ROBO2: variants seen among roughly 807,000 people sequenced by gnomAD.
ROBO2 encodes the protein roundabout guidance receptor 2.
A neutral mutation model predicts 160.8 loss-of-function variants in ROBO2; 53 were observed. That is an observed-to-expected ratio of 0.33 (90% CI 0.26 to 0.41). ROBO2 has a LOEUF of 0.41. Among genes scored for constraint, ROBO2 ranks in the 10% least tolerant of loss-of-function variants. ROBO2 has a pLI of 1.00. For missense variants in ROBO2, 1,577 were observed against 1,722.4 expected, an observed-to-expected ratio of 0.92 and a Z score of 1.49; for synonymous variants, 664 against 611.7, an observed-to-expected ratio of 1.09 and a Z score of -1.26.
rs566498332 is a variant in ROBO2, at chr3:76,102,312, T to TAATC, written c.109+164710_109+164711insAATC. ...ATAACATTTGGATATACTGGACTAT[T>TAATC]TTATTAGTTTCTTTTTATATTTTTG... On this transcript the variant is annotated intron_variant, in intron 2 of 26. Transcript: ENST00000487694. 5.4e-3 allele frequency among the ~76,000 whole-genome samples: 816 copies of TAATC among 152,318 alleles called. 11 individuals are homozygous for TAATC. The highest frequency in any genetic ancestry group is 0.019 in the African/African-American group (790 of 41,562).
chr3:76,355,056 G>GTGTGTA (rs2075082043), intron 2 of ROBO2, among the ~76,000 whole-genome samples: 1 of 151,702 alleles, frequency 6.6e-6, no homozygotes, highest in African/African-American at 2.4e-5. Context: ...GTGTGTGTGT[G>GTGTGTA]TGTGTATGTA....
At chr3:75,941,488 C>T (rs1344755085) in intron 2 of ROBO2, among the ~76,000 whole-genome samples, 1 of 152,126 alleles carries the variant, frequency 6.6e-6, no homozygotes, top group Non-Finnish European at 1.5e-5. Context: ...ATCATGAATA[C>T]ACAGAAAATT....
At chr3:77,323,388 G>T (rs1370602313) in intron 2 of ROBO2, among the ~76,000 whole-genome samples, 1 of 151,830 alleles carries the variant, frequency 6.6e-6, no homozygotes, top group African/African-American at 2.4e-5. Flanking sequence ...CTGATATCAG[G>T]TATAAGATGA....
Position 76,863,064 on chromosome 3 carries a change from C to T in ROBO2, c.110-234950C>T, listed in dbSNP as rs118024992. On this transcript the variant is annotated intron_variant, in intron 2 of 26. Coordinates refer to the ROBO2 transcript ENST00000487694. ...CTTCCTTAAATCTTTCGTGCTGTAA[C>T]TTCTATATTTCTTATTATAAAGGGC... Among the ~76,000 whole-genome samples, 138 of 152,152 alleles carry T rather than the reference C, an allele frequency of 9.1e-4. 1 individual carries two copies. In the East Asian group the frequency reaches 0.027, roughly 29 times the overall value.
At chr3:77,296,085 T>G (rs984519950) in intron 2 of ROBO2, among the ~76,000 whole-genome samples, 12 of 149,974 alleles carry the variant, frequency 8.0e-5, no homozygotes, top group African/African-American at 3.0e-4. Context: ...ACCCCAGATA[T>G]GAAGTAAAAT....
At chr3:77,277,181 T>C (rs1275592912) in intron 2 of ROBO2, among the ~76,000 whole-genome samples, 1 of 100,238 alleles carries the variant, frequency 1.0e-5, no homozygotes, top group Admixed American at 1.2e-4. Flanking sequence ...TCTTTCTTTC[T>C]TTCTTTCTTT....
exon 8 of ROBO2, chr3:77,550,867 T>C: frequency 6.2e-7 from 1 of 1,613,162 alleles, no homozygotes; most frequent in Non-Finnish European, 8.5e-7. Flanking sequence ...AGATGCTCAG[T>C]GTCACCAACT....
At chr3:77,165,226 C>A (rs1202731942) in intron 2 of ROBO2, among the ~76,000 whole-genome samples, 1 of 149,952 alleles carries the variant, frequency 6.7e-6, no homozygotes, top group Non-Finnish European at 1.5e-5. Context: ...AAGAAAAATT[C>A]TTCTGCCTTG....
rs139862777 is a variant in ROBO2 at position 76,099,658 on chromosome 3, C to A, written c.109+162056C>A. Reference sequence around the variant, plus strand: ...GAATCCTGTAAATTTTATACTTGTGCCAAAAAAGTACATTTTAATTGTTAA... The same window carrying A: ...GAATCCTGTAAATTTTATACTTGTGACAAAAAAGTACATTTTAATTGTTAA... On this transcript the variant is annotated intron_variant, in intron 2 of 26. Transcript: ENST00000487694. Among the ~76,000 whole-genome samples the A allele has an allele frequency of 5.5e-3, 831 of 151,996 alleles. 6 individuals carry two copies. The highest frequency in any genetic ancestry group is 8.8e-3 in the Non-Finnish European group (598 of 67,966).
At chr3:76,555,425 G>GAGAAGAAGAAGAAGAAGAA (rs2083714313) in intron 2 of ROBO2, among the ~76,000 whole-genome samples, 1 of 68,472 alleles carries the variant, frequency 1.5e-5, no homozygotes, top group Non-Finnish European at 3.3e-5. Flanking sequence ...AAGAAAGAAG[G>GAGAAGAAGAAGAAGAAGAA]AGAAGGGGAA....
At chr3:75,934,852 T>G (rs1468086419) in intron 1 of ROBO2, among the ~76,000 whole-genome samples, 1 of 152,152 alleles carries the variant, frequency 6.6e-6, no homozygotes, top group Non-Finnish European at 1.5e-5. Flanking sequence ...TTCTGCCTTT[T>G]AAAATGACTA....
chr3:76,271,592 C>G (rs1476270101), intron 2 of ROBO2, among the ~76,000 whole-genome samples: 3 of 151,236 alleles, frequency 2.0e-5, no homozygotes, highest in Non-Finnish European at 4.4e-5. Context: ...TTTATATTAA[C>G]TGATATGGCA....
intron 2 of ROBO2, among the ~76,000 whole-genome samples, chr3:76,450,598 A>T (rs1474472480): frequency 6.6e-6 from 1 of 152,146 alleles, no homozygotes; most frequent in Non-Finnish European, 1.5e-5. Flanking sequence ...TTACAGGCAC[A>T]TGCCACTGCA....
intron 23 of ROBO2, chr3:77,629,665 A>G (rs756886787): frequency 6.6e-6 from 1 of 152,344 alleles, no homozygotes; most frequent in East Asian, 1.9e-4. Context: ...ACATATATGT[A>G]TACTATTTAT....
chr3:76,497,330 G>A (rs896574719), intron 2 of ROBO2, among the ~76,000 whole-genome samples: 1 of 152,032 alleles, frequency 6.6e-6, no homozygotes, highest in Non-Finnish European at 1.5e-5. Flanking sequence ...CAAGTATCCT[G>A]GAGTACAGGT....
At chr3:76,327,248 A>G (rs971954589) in intron 2 of ROBO2, among the ~76,000 whole-genome samples, 2 of 152,168 alleles carry the variant, frequency 1.3e-5, no homozygotes. Flanking sequence ...TATAAAATAT[A>G]GTATAACCTG....
intron 2 of ROBO2, among the ~76,000 whole-genome samples, chr3:77,241,365 T>C (rs2089010247): frequency 6.6e-6 from 1 of 152,246 alleles, no homozygotes; most frequent in Non-Finnish European, 1.5e-5. Flanking sequence ...TGTTCACAAA[T>C]AATCTTATCT....
At chr3:76,512,339 G>A (rs1237071949) in intron 2 of ROBO2, among the ~76,000 whole-genome samples, 1 of 134,436 alleles carries the variant, frequency 7.4e-6, no homozygotes, top group Non-Finnish European at 1.6e-5. Flanking sequence ...TATATATATA[G>A]TGTACTTTAA....
At chr3:76,489,214 G>A (rs1355335140) in intron 2 of ROBO2, among the ~76,000 whole-genome samples, 1 of 147,158 alleles carries the variant, frequency 6.8e-6, no homozygotes, top group Admixed American at 6.9e-5. Context: ...CAGTGGCTCT[G>A]ATGAAAAAAT....
Sources: gnomAD v4.1 joint callset for allele counts (sites outside exome capture counted in the v4.1 genomes callset) on GRCh38, gnomAD v4.1.1 for gene constraint, MANE v1.5 for transcripts, NCBI Gene and HGNC (gene_info 2026-07-23, HGNC 2026-07-21) for gene names.